FCRL1: variants seen among roughly 807,000 people sequenced by gnomAD.
FCRL1 encodes the protein Fc receptor like 1.
Under a neutral mutation model 49.2 loss-of-function variants are expected in FCRL1, and 34 were observed. The ratio of observed to expected loss-of-function variants is 0.69; its 90% CI spans 0.53 to 0.92. The LOEUF is 0.92. FCRL1 is among the 40% of genes least tolerant of loss of function. FCRL1 has a pLI of 0.00. For missense variants in FCRL1, 524 were observed against 524.1 expected, an observed-to-expected ratio of 1.00 and a Z score of 0.00; for synonymous variants, 218 against 201.6, an observed-to-expected ratio of 1.08 and a Z score of -0.69.
chr1:157,809,994 A>T (rs939543383), intron 1 of FCRL1, among the ~76,000 whole-genome samples: 1 of 152,250 alleles, frequency 6.6e-6, no homozygotes, highest in African/African-American at 2.4e-5. Flanking sequence ...AAGCCAGCAG[A>T]ATATGATATT....
chr1:157,814,255 G>A (rs1340518336), intron 1 of FCRL1, among the ~76,000 whole-genome samples: 2 of 151,958 alleles, frequency 1.3e-5, no homozygotes, highest in Non-Finnish European at 2.9e-5. Flanking sequence ...AAGTCAAAAT[G>A]GTCAATAATA....
rs180874777 is a variant in FCRL1, at chr1:157,801,156, C to T, written c.1003+305G>A. 3.3e-5 allele frequency among the ~76,000 whole-genome samples: 5 copies of T among 152,288 alleles called. No individual in the cohort carries two copies. In the East Asian group the frequency reaches 5.8e-4, roughly 18 times the overall value. On this transcript the variant is annotated intron_variant, in intron 6 of 10. Coordinates refer to ENST00000368176, the MANE Select transcript of FCRL1 (RefSeq NM_052938.5). ...CTGCCCACCTCAGCCTCCAAAAGTG[C>T]TGGGATTACAGGCGTGAGCCACCGC...
intron 10 of FCRL1, 42 bp downstream of exon 10, chr1:157,797,059 G>T (rs565758876): frequency 6.2e-7 from 1 of 1,603,638 alleles, no homozygotes; most frequent in Non-Finnish European, 8.5e-7. Flanking sequence ...AGTCCCCAGA[G>T]GAAAGAAAGA....
chr1:157,807,302 TTCCTCCC>T (rs937499570), intron 1 of FCRL1, among the ~76,000 whole-genome samples, 180 bp from the exon 2 acceptor site: 1 of 152,076 alleles, frequency 6.6e-6, no homozygotes, highest in Non-Finnish European at 1.5e-5. Flanking sequence ...TCATCTTCTC[TTCCTCCC>T]TCCTTATCTT....
At chr1:157,802,720 A>G in intron 3 of FCRL1, 56 bp from the exon 4 acceptor site, 1 of 1,535,684 alleles carries the variant, frequency 6.5e-7, no homozygotes, top group Non-Finnish European at 8.8e-7. Context: ...TTTCAAAGAC[A>G]GTAAGTAGAT....
Position 157,798,184 on chromosome 1 carries a change from T to C in FCRL1, c.1091A>G (p.Gln364Arg). The change falls in exon 8 of 11, where the codon CAG (glutamine) becomes CGG (arginine). Residue 364 changes from glutamine to arginine, a missense_variant. Physicochemically the swap from Gln to Arg is conservative, Grantham distance 43 (BLOSUM62 1). Transcript: ENST00000368176. ...FTYLNSPTPG[Q>R]LQPIYENVNV... is the part of the protein sequence containing the mutation. Reference sequence around the variant, plus strand: ...ACCATTTTCATATATAGGCTGTAGCTGCCCTGGGGTAGGTGAGTTGAGGTA... The same window carrying C: ...ACCATTTTCATATATAGGCTGTAGCCGCCCTGGGGTAGGTGAGTTGAGGTA... The C allele has an allele frequency of 1.2e-6, 2 of 1,613,198 alleles. No individual in the cohort carries two copies. The highest frequency in any genetic ancestry group is 2.2e-5 in the South Asian group (2 of 90,906).
At chr1:157,800,693 G>A (rs917405369) in intron 6 of FCRL1, among the ~76,000 whole-genome samples, 1 of 152,158 alleles carries the variant, frequency 6.6e-6, no homozygotes, top group African/African-American at 2.4e-5. Flanking sequence ...TGTCATTTCA[G>A]AGGACAAGTG....
intron 6 of FCRL1, 141 bp downstream of exon 6, chr1:157,801,320 A>C (rs1216059282): frequency 3.0e-6 from 2 of 670,314 alleles, no homozygotes; most frequent in Non-Finnish European, 5.4e-6. Context: ...CACTGTTCCT[A>C]CCCGCTGGCT....
chr1:157,805,007 A>G (rs1653192399), intron 2 of FCRL1, among the ~76,000 whole-genome samples: 2 of 152,046 alleles, frequency 1.3e-5, no homozygotes, highest in South Asian at 4.1e-4. Context: ...CTACAGGCAC[A>G]TGCCACCAAG....
In FCRL1 at chr1:157,797,135, G is replaced by C. The variant is rs754299288; in HGVS notation, c.1187-3C>G. ...CATATGTGTCCCCAGGGTTTCTGCT[G>C]TGGAGAAAAGACAAGTGCTGTGACA... On this transcript the variant is annotated splice_region_variant and splice_polypyrimidine_tract_variant and intron_variant, in intron 9 of 10. Coordinates refer to ENST00000368176, the MANE Select transcript of FCRL1 (RefSeq NM_052938.5). 1 of 1,613,760 alleles carries C rather than the reference G, an allele frequency of 6.2e-7. No homozygotes were observed. Among genetic ancestry groups the C allele is most frequent in the South Asian group, 1.1e-5 (1 of 91,078 alleles).
intron 2 of FCRL1, 135 bp from the exon 3 acceptor site, chr1:157,804,246 ACCC>A: frequency 5.3e-6 from 4 of 748,524 alleles, no homozygotes; most frequent in Non-Finnish European, 5.7e-6. Context: ...ACATGTCTCC[ACCC>A]CCCCCCCAGT....
chr1:157,797,645 A>G (rs142535663), intron 9 of FCRL1: 11 of 1,188,140 alleles, frequency 9.3e-6, no homozygotes, highest in Non-Finnish European at 1.1e-5. Context: ...ATAATTTAAG[A>G]AATTTGACAG....
intron 1 of FCRL1, among the ~76,000 whole-genome samples, chr1:157,814,996 T>C (rs937097723): frequency 3.3e-5 from 5 of 151,900 alleles, no homozygotes; most frequent in Non-Finnish European, 1.5e-5. Flanking sequence ...TAGACTGCAA[T>C]ATAATAATAG....
rs1277647121 is a variant in FCRL1 at position 157,794,440 on chromosome 1, C to T, written c.*1659G>A. 1 of 152,104 alleles carries T rather than the reference C, an allele frequency of 6.6e-6. No homozygotes were observed. The highest frequency in any genetic ancestry group is 1.9e-4 in the East Asian group (1 of 5,190). The allele number at this position is 152,104 out of a possible 1,614,324, so 9.4% of individuals were successfully genotyped here. A position where few individuals can be genotyped will look rare whatever the true frequency, so the allele number is the denominator to read the frequency against. ...CCAGTCTTGGATATGTCTTTATTAGCAATGTGAAAACTAAGTAATACACCC... is the reference window on the plus strand; with the variant it reads ...CCAGTCTTGGATATGTCTTTATTAGTAATGTGAAAACTAAGTAATACACCC... On this transcript the variant is annotated 3_prime_UTR_variant, in exon 11 of 11. Transcript: ENST00000368176.
chr1:157,806,781 A>G, intron 2 of FCRL1: 1 of 253,052 alleles, frequency 4.0e-6, no homozygotes, highest in Non-Finnish European at 7.5e-6. Flanking sequence ...ATGAATCTTC[A>G]GCACCCTTTG....
chr1:157,804,248 C>CCA, intron 2 of FCRL1, 137 bp from the exon 3 acceptor site: 1 of 941,424 alleles, frequency 1.1e-6, no homozygotes, highest in African/African-American at 2.6e-5. Context: ...ATGTCTCCAC[C>CCA]CCCCCCCCAG....
At chr1:157,801,668 T>C in intron 5 of FCRL1, 91 bp from the exon 6 acceptor site, 1 of 970,048 alleles carries the variant, frequency 1.0e-6, no homozygotes, top group Non-Finnish European at 1.6e-6. Context: ...GCCCAAGGTC[T>C]GCTCTTCCAA....
At chr1:157,815,242 T>C (rs1654870303) in intron 1 of FCRL1, among the ~76,000 whole-genome samples, 1 of 151,916 alleles carries the variant, frequency 6.6e-6, no homozygotes, top group Non-Finnish European at 1.5e-5. Flanking sequence ...AGATTGAAAT[T>C]ATATGAAGTC....
intron 1 of FCRL1, among the ~76,000 whole-genome samples, 172 bp from the exon 2 acceptor site, chr1:157,807,294 ATCT>A (rs1653634636): frequency 6.7e-6 from 1 of 149,344 alleles, no homozygotes; most frequent in Non-Finnish European, 1.5e-5. Flanking sequence ...TCCTTCTTTC[ATCT>A]TCTCTTCCTC....
Sources: allele counts gnomAD v4.1 joint callset (sites outside exome capture counted in the v4.1 genomes callset), GRCh38; gene constraint gnomAD v4.1.1; transcripts MANE v1.5; gene names NCBI Gene and HGNC (gene_info 2026-07-23, HGNC 2026-07-21).